Variants in DNAH12 observed in about 807,000 individuals in gnomAD.
DNAH12 encodes dynein axonemal heavy chain 12, also known as axonemal beta dynein heavy chain 12.
Under a neutral mutation model 371.5 loss-of-function variants are expected in DNAH12, and 285 were observed. The ratio of observed to expected loss-of-function variants is 0.77; its 90% CI spans 0.70 to 0.85. The LOEUF (loss-of-function observed/expected upper bound fraction) is 0.85. Ranked by LOEUF, DNAH12 falls within the 40% of genes least tolerant of loss-of-function variation. The pLI is 0.00. For missense variants in DNAH12, 3,611 were observed against 3,689.4 expected (o/e 0.98, Z 0.55); for synonymous variants, 1,200 against 1,213.0 (o/e 0.99, Z 0.22).
upstream of DNAH12, among the ~76,000 whole-genome samples, chr3:57,545,492 A>C (rs1200092705): frequency 6.6e-6 from 1 of 151,806 alleles, no homozygotes; most frequent in Non-Finnish European, 1.5e-5. Flanking sequence ...CCTATGACAG[A>C]TTAGACAGTT....
At chr3:57,346,302 G>T (rs1553658011) in intron 60 of DNAH12, among the ~76,000 whole-genome samples, 1 of 152,150 alleles carries the variant, frequency 6.6e-6, no homozygotes, top group East Asian at 1.9e-4. Flanking sequence ...TAAGGCACGG[G>T]GGAGGGGAAA....
chr3:57,343,716 C>T (rs1032175005), intron 60 of DNAH12, among the ~76,000 whole-genome samples: 1 of 152,030 alleles, frequency 6.6e-6, no homozygotes, highest in Non-Finnish European at 1.5e-5. Flanking sequence ...CTCCTGCCTG[C>T]CCCTGGGAAC....
chr3:57,472,439 C>T (rs902701783), intron 14 of DNAH12, 107 bp downstream of exon 14: 2 of 1,391,686 alleles, frequency 1.4e-6, no homozygotes, highest in Admixed American at 2.5e-5. Flanking sequence ...CATATTGACA[C>T]ACAAAATTAC....
In DNAH12 at chr3:57,323,096, G is replaced by A. The variant is rs1203040665; in HGVS notation, c.10294C>T (p.Pro3432Ser). 6.4e-6 allele frequency: 10 copies of A among 1,552,368 alleles called. 1 individual carries two copies. In the South Asian group the frequency reaches 9.5e-5, roughly 15 times the overall value. The part of the protein sequence containing the change: ...QNCHLAVSWM[P>S]MLEKICEDFT... ...TCTTCACATATTTTTTCCAACATGG[G>A]CATCCAGGACACTGCAAGATGGCAA... Residue 3432 changes from proline (P) to serine (S), a missense_variant, in exon 64 of 74, where the codon CCC becomes TCC. Pro to Ser is a moderately conservative substitution (Grantham distance 74). This residue lies in a region of DNAH12 where 2,266 missense variants were observed against 2,236.9 expected (regional missense o/e 1.01). Coordinates refer to ENST00000495027, the MANE Select transcript of DNAH12 (RefSeq NM_001366028.2).
chr3:57,425,864 GAA>G (rs1467400301), intron 34 of DNAH12, among the ~76,000 whole-genome samples: 1 of 152,056 alleles, frequency 6.6e-6, no homozygotes, highest in African/African-American at 2.4e-5. Flanking sequence ...GGAAATAAAA[GAA>G]TCCCTAAAAA....
intron 45 of DNAH12, among the ~76,000 whole-genome samples, chr3:57,389,559 G>A (rs2063566125): frequency 6.6e-6 from 1 of 151,840 alleles, no homozygotes; most frequent in Non-Finnish European, 1.5e-5. Context: ...GTGACATGAT[G>A]ACTGCTGCAG....
chr3:57,516,449 T>C (rs2068201041), intron 4 of DNAH12, among the ~76,000 whole-genome samples: 1 of 152,120 alleles, frequency 6.6e-6, no homozygotes, highest in Non-Finnish European at 1.5e-5. Context: ...GCAATGAAAT[T>C]GGTCCTCTCC....
chr3:57,444,913 C>A (rs2065433253), intron 28 of DNAH12, 97 bp from the exon 29 acceptor site: 7 of 1,415,690 alleles, frequency 4.9e-6, no homozygotes, highest in Non-Finnish European at 5.6e-6. Flanking sequence ...CCACCCCACC[C>A]CCCTGGCTAA....
intron 66 of DNAH12, among the ~76,000 whole-genome samples, chr3:57,312,220 G>A (rs1017708447): frequency 3.3e-5 from 5 of 152,132 alleles, no homozygotes; most frequent in Admixed American, 1.3e-4. Context: ...GAAGAGAGGC[G>A]TCAAGAGATA....
chr3:57,500,045 CTTT>C (rs34159826), intron 11 of DNAH12, among the ~76,000 whole-genome samples: 1 of 147,122 alleles, frequency 6.8e-6, no homozygotes. Flanking sequence ...TCAGAATTAC[CTTT>C]TTTTTTTTTT....
At chr3:57,479,575 T>C (rs1234708159) in intron 13 of DNAH12, among the ~76,000 whole-genome samples, 2 of 152,132 alleles carry the variant, frequency 1.3e-5, no homozygotes, top group Admixed American at 6.6e-5. Context: ...GCGGACCTAA[T>C]AGGCATCTAC....
chr3:57,334,798 C>T lies in DNAH12; in HGVS notation c.9817G>A (p.Ala3273Thr). ...AACAATCACCTGAGTCCTCTGAAGG[C>T]AGGAAATTCACTTGCCCGACAGATT... Reference protein sequence around the residue: ...EEICRASEFPAFRGLRQHFCE... With the variant: ...EEICRASEFPTFRGLRQHFCE... Residue 3273 changes from alanine (A) to threonine (T), a missense_variant, in exon 61 of 74, where the codon GCC becomes ACC. By Grantham distance (58) the Ala-to-Thr change is moderately conservative (BLOSUM62 0). This residue lies in a region of DNAH12 where 2,266 missense variants were observed against 2,236.9 expected (regional missense o/e 1.01). Transcript: ENST00000495027. 6.4e-7 allele frequency: 1 copy of T among 1,551,156 alleles called. No homozygotes were observed. The highest frequency in any genetic ancestry group is 1.2e-5 in the South Asian group (1 of 83,728).
chr3:57,537,432 C>G (rs1243344425), intron 2 of DNAH12, among the ~76,000 whole-genome samples: 7 of 151,972 alleles, frequency 4.6e-5, no homozygotes, highest in African/African-American at 9.7e-5. Context: ...CCAAGCATTC[C>G]CAGGGACTGG....
Position 57,421,764 on chromosome 3 carries a change from A to T in DNAH12, c.5374-58T>A, listed in dbSNP as rs1218193702. Reference sequence around the variant, plus strand: ...ATTATTTTAAAAGGCATTTTAGGAGAAACATTAACCAAAATTCAATATATT... The same window carrying T: ...ATTATTTTAAAAGGCATTTTAGGAGTAACATTAACCAAAATTCAATATATT... On this transcript the variant is annotated intron_variant, in intron 35 of 73. Coordinates refer to ENST00000495027, the MANE Select transcript of DNAH12 (RefSeq NM_001366028.2). 6 of 1,536,880 alleles carry T rather than the reference A, an allele frequency of 3.9e-6. No homozygotes were observed. In the African/African-American group the frequency reaches 6.9e-5, roughly 18 times the overall value.
intron 11 of DNAH12, among the ~76,000 whole-genome samples, chr3:57,500,167 A>G (rs546679570): frequency 2.4e-4 from 35 of 146,628 alleles, no homozygotes; most frequent in Admixed American, 4.1e-4. Context: ...AGCCCCCCCT[A>G]GTAGCTGGGA....
At position 57,527,138 on chromosome 3, in the gene DNAH12, T is replaced by C. The variant is rs146077292; in HGVS notation, c.171-3254A>G. Among the ~76,000 whole-genome samples, 14 of 152,330 alleles carry C rather than the reference T, an allele frequency of 9.2e-5. No individual in the cohort carries two copies. In the East Asian group the frequency reaches 2.7e-3, roughly 29 times the overall value. On this transcript the variant is annotated intron_variant, in intron 2 of 73. Coordinates refer to ENST00000495027, the MANE Select transcript of DNAH12 (RefSeq NM_001366028.2). ...AATGTCTATTTAGATCTTTTGCCTA[T>C]TTTTAAATCAGATTATTAGTTTTTC...
intron 17 of DNAH12, among the ~76,000 whole-genome samples, chr3:57,466,718 A>G (rs565192204): frequency 3.5e-4 from 53 of 152,268 alleles, no homozygotes; most frequent in African/African-American, 1.3e-3. Flanking sequence ...TGCACTTAGT[A>G]TAGGCTAAGT....
intron 72 of DNAH12, 79 bp from the exon 73 acceptor site, chr3:57,295,671 G>C: frequency 7.9e-7 from 1 of 1,265,180 alleles, no homozygotes; most frequent in Non-Finnish European, 1.1e-6. Flanking sequence ...TTAGATATTG[G>C]CTTTTACTAA....
intron 60 of DNAH12, among the ~76,000 whole-genome samples, chr3:57,341,579 C>CA (rs1464907501): frequency 6.6e-6 from 1 of 151,390 alleles, no homozygotes; most frequent in Non-Finnish European, 1.5e-5. Flanking sequence ...TAAAAAACAC[C>CA]AAAAAACAAT....
Sources: allele counts gnomAD v4.1 joint callset (sites outside exome capture counted in the v4.1 genomes callset), GRCh38; gene constraint gnomAD v4.1.1; regional missense constraint gnomAD v4.1.1; transcripts MANE v1.5; gene names NCBI Gene and HGNC (gene_info 2026-07-23, HGNC 2026-07-21).